Variants in SPATA22 observed in about 807,000 individuals in gnomAD.
SPATA22 encodes the protein spermatogenesis-associated protein 22.
In SPATA22, 29 loss-of-function variants were observed where a neutral mutation model predicts 47.8. The observed-to-expected ratio is 0.61, with a 90% confidence interval of 0.45 to 0.83. The LOEUF (loss-of-function observed/expected upper bound fraction) is 0.83. SPATA22 is among the 40% of genes least tolerant of loss of function. The pLI, the probability that SPATA22 is intolerant of heterozygous loss-of-function variation, is 0.00. For missense variants in SPATA22, 410 were observed against 421.7 expected (o/e 0.97, Z 0.24); for synonymous variants, 133 against 140.9 (o/e 0.94, Z 0.40).
At chr17:3,465,833 C>G (rs1014398351) in intron 3 of SPATA22, among the ~76,000 whole-genome samples, 1 of 151,510 alleles carries the variant, frequency 6.6e-6, no homozygotes, top group Non-Finnish European at 1.5e-5. Context: ...CTATCTCTTA[C>G]CCAATACAGG....
chr17:3,491,690 G>C (rs1315006033), intron 1 of SPATA22, among the ~76,000 whole-genome samples: 5 of 151,982 alleles, frequency 3.3e-5, no homozygotes, highest in African/African-American at 1.2e-4. Context: ...AGAGATTGCA[G>C]TGAGCCGAGT....
intron 1 of SPATA22, among the ~76,000 whole-genome samples, chr17:3,482,713 A>G (rs1242912027): frequency 6.6e-6 from 1 of 152,028 alleles, no homozygotes; most frequent in East Asian, 1.9e-4. Flanking sequence ...GTTTCCCTTC[A>G]GTTTTGGACA....
intron 5 of SPATA22, among the ~76,000 whole-genome samples, chr17:3,455,445 T>C (rs2072965999): frequency 6.7e-6 from 1 of 149,994 alleles, no homozygotes; most frequent in South Asian, 2.1e-4. Context: ...TGTTTAAGTC[T>C]TTAATCCATC....
chr17:3,471,769 GC>G lies in SPATA22; in HGVS notation c.-162del. 1.0e-6 allele frequency: 1 copy of G among 985,632 alleles called. No homozygotes were observed. Among genetic ancestry groups the G allele is most frequent in the South Asian group, 4.7e-5 (1 of 21,298 alleles). 61.1% of individuals were successfully genotyped at this position (985,632 alleles called of 1,614,324 possible). On this transcript the variant is annotated 5_prime_UTR_variant, in exon 1 of 9. Coordinates refer to ENST00000572969, the MANE Select transcript of SPATA22 (RefSeq NM_001170698.2). ...GCCTCCGTCAACCGTCGTCCAGGCG[GC>G]CCCGTCAGCAACCGCCGCCCTTCCC...
chr17:3,479,122 A>G (rs1036249605), intron 1 of SPATA22, among the ~76,000 whole-genome samples: 4 of 152,172 alleles, frequency 2.6e-5, no homozygotes, highest in African/African-American at 9.7e-5. Context: ...ATTCTTTAAA[A>G]ATGTATCCAG....
intron 1 of SPATA22, among the ~76,000 whole-genome samples, chr17:3,491,044 G>T (rs372876924): frequency 2.0e-5 from 3 of 152,178 alleles, no homozygotes; most frequent in African/African-American, 7.2e-5. Context: ...CATGTGAAAA[G>T]TCTGAAGAAG....
chr17:3,459,056 T>TGCCTACTTACAA (rs2073064190), intron 5 of SPATA22, among the ~76,000 whole-genome samples: 1 of 89,634 alleles, frequency 1.1e-5, no homozygotes, highest in Non-Finnish European at 2.3e-5. Context: ...AGAAAGAATG[T>TGCCTACTTACAA]GTGGGATCTT....
At chr17:3,483,451 C>T (rs746894752) in intron 1 of SPATA22, 1 of 1,520,934 alleles carries the variant, frequency 6.6e-7, no homozygotes, top group Non-Finnish European at 9.1e-7. Context: ...GCAAAGAGAA[C>T]AAAACATACG....
intron 5 of SPATA22, among the ~76,000 whole-genome samples, chr17:3,456,565 CA>C (rs1017755318): frequency 2.6e-5 from 4 of 152,042 alleles, no homozygotes; most frequent in Admixed American, 6.6e-5. Flanking sequence ...AATAGCTTAC[CA>C]ATGAAAAAGA....
intron 1 of SPATA22, among the ~76,000 whole-genome samples, chr17:3,477,308 C>G (rs938392172): frequency 6.6e-5 from 10 of 152,160 alleles, no homozygotes; most frequent in African/African-American, 2.4e-4. Flanking sequence ...TTATATTTTG[C>G]TGATTTGTAA....
chr17:3,458,855 C>CAA (rs545223532), intron 5 of SPATA22, among the ~76,000 whole-genome samples: 472 of 38,196 alleles, frequency 0.012, 12 homozygotes, highest in East Asian at 0.047. Flanking sequence ...CGAAACTTCA[C>CAA]AAAAAAAAAA....
chr17:3,475,537 C>G (rs1290894872), upstream of SPATA22: 1 of 152,778 alleles, frequency 6.5e-6, no homozygotes, highest in African/African-American at 2.4e-5. Context: ...TTGATTTGGC[C>G]CTTCTGTTTC....
intron 1 of SPATA22, among the ~76,000 whole-genome samples, chr17:3,491,246 TAAC>T (rs1042573270): frequency 6.6e-5 from 10 of 152,328 alleles, no homozygotes; most frequent in Admixed American, 1.3e-4. Flanking sequence ...TGTTTAAGGT[TAAC>T]AACATCAGGG....
chr17:3,466,451 T>C (rs369156798), intron 3 of SPATA22, among the ~76,000 whole-genome samples: 2 of 152,056 alleles, frequency 1.3e-5, no homozygotes, highest in Non-Finnish European at 2.9e-5. Flanking sequence ...AGGATTTCAG[T>C]GGCCTTACTT....
At chr17:3,461,214 C>A (rs1164007515) in intron 5 of SPATA22, among the ~76,000 whole-genome samples, 2 of 152,158 alleles carry the variant, frequency 1.3e-5, no homozygotes, top group Non-Finnish European at 2.9e-5. Context: ...ACCTGAAATT[C>A]AGATTTAACT....
intron 1 of SPATA22, chr17:3,510,571 C>T (rs2074098793): frequency 6.6e-6 from 1 of 152,178 alleles, no homozygotes; most frequent in African/African-American, 2.4e-5. Flanking sequence ...CATGTTCTTA[C>T]TCTTTGTATG....
chr17:3,507,694 T>C (rs1203944684), intron 1 of SPATA22, among the ~76,000 whole-genome samples: 2 of 152,208 alleles, frequency 1.3e-5, no homozygotes, highest in Non-Finnish European at 2.9e-5. Context: ...CCTATTAAAC[T>C]GGGATACGAC....
At chr17:3,506,972 G>A (rs978921913) in intron 1 of SPATA22, among the ~76,000 whole-genome samples, 5 of 101,218 alleles carry the variant, frequency 4.9e-5, no homozygotes, top group South Asian at 8.4e-4. Flanking sequence ...GAGAAAGAGA[G>A]AGAGAAGGAA....
At chr17:3,473,428 C>T (rs1597419270), upstream of SPATA22, among the ~76,000 whole-genome samples, 2 of 152,214 alleles carry the variant, frequency 1.3e-5, no homozygotes, top group Non-Finnish European at 2.9e-5. Flanking sequence ...AATTTGTCTC[C>T]TACAAAATTT....
Sources: gnomAD v4.1 joint callset for allele counts (sites outside exome capture counted in the v4.1 genomes callset) on GRCh38, gnomAD v4.1.1 for gene constraint, MANE v1.5 for transcripts, NCBI Gene and HGNC (gene_info 2026-07-23, HGNC 2026-07-21) for gene names.